MAP4K3: variants seen among roughly 807,000 people sequenced by gnomAD.
MAP4K3 encodes the protein MAPK/ERK kinase kinase kinase 3.
In MAP4K3, 94 loss-of-function variants were observed where a neutral mutation model predicts 143.5. That is an observed-to-expected ratio of 0.65 (90% CI 0.55 to 0.78). The LOEUF is 0.78. Among genes scored for constraint, MAP4K3 ranks in the 30% least tolerant of loss-of-function variants. MAP4K3 has a pLI of 0.00. For synonymous variants in MAP4K3, 416 were observed against 347.2 expected, an observed-to-expected ratio of 1.20 and a Z score of -2.20; for missense variants, 1,077 against 1,068.1, an observed-to-expected ratio of 1.01 and a Z score of -0.12.
At chr2:39,422,445 C>G (rs1010803719) in intron 1 of MAP4K3, among the ~76,000 whole-genome samples, 4 of 152,118 alleles carry the variant, frequency 2.6e-5, no homozygotes, top group Middle Eastern at 6.8e-3. Flanking sequence ...AACTATAAGC[C>G]AAAGAGTGAG....
At chr2:39,292,971 C>G in intron 17 of MAP4K3, 145 bp from the exon 18 acceptor site, 1 of 751,368 alleles carries the variant, frequency 1.3e-6, no homozygotes, top group Non-Finnish European at 2.2e-6. Flanking sequence ...AGAATTAAAA[C>G]AAGGAACTGG....
intron 3 of MAP4K3, among the ~76,000 whole-genome samples, chr2:39,352,307 T>C (rs1573187002): frequency 6.6e-6 from 1 of 152,052 alleles, no homozygotes; most frequent in Non-Finnish European, 1.5e-5. Flanking sequence ...AATAAATAAA[T>C]GAGCATTTAT....
At chr2:39,265,035 C>T (rs1162557419) in intron 28 of MAP4K3, among the ~76,000 whole-genome samples, 168 bp downstream of exon 28, 8 of 152,204 alleles carry the variant, frequency 5.3e-5, no homozygotes, top group African/African-American at 1.9e-4. Context: ...AAAACTTTTA[C>T]TAGGCCAATT....
At chr2:39,331,896 T>C in intron 8 of MAP4K3, 21 bp downstream of exon 8, 1 of 1,461,312 alleles carries the variant, frequency 6.8e-7, no homozygotes, top group Non-Finnish European at 9.4e-7. Context: ...AAGTATTAAA[T>C]ATCAATTAAA....
At position 39,436,453 on chromosome 2, in the gene MAP4K3, G is replaced by A. The variant is rs556460818; in HGVS notation, c.96+439C>T. Among the ~76,000 whole-genome samples, 33 of 152,200 alleles carry A rather than the reference G, an allele frequency of 2.2e-4. No homozygotes were observed. The South Asian group carries it at 5.8e-3, about 27-fold the overall frequency. On this transcript the variant is annotated intron_variant, in intron 1 of 33. Coordinates refer to ENST00000263881, the MANE Select transcript of MAP4K3 (RefSeq NM_003618.4). ...AGTATAATAACTACCACCGAGGCCT[G>A]GTGGGCAGCAGCTCCCAACCTAGAG...
intron 1 of MAP4K3, among the ~76,000 whole-genome samples, chr2:39,436,420 C>G (rs1665481617): frequency 6.6e-6 from 1 of 151,990 alleles, no homozygotes; most frequent in South Asian, 2.1e-4. Flanking sequence ...ATGGAGGTCG[C>G]TCAGCATAGT....
In MAP4K3 at chr2:39,317,160, G is replaced by A. The variant is rs530874441; in HGVS notation, c.919-1772C>T. 3.3e-5 allele frequency among the ~76,000 whole-genome samples: 5 copies of A among 152,230 alleles called. No homozygotes were observed. In the South Asian group the frequency reaches 8.3e-4, roughly 25 times the overall value. The stretch of plus-strand genomic sequence containing the variant: ...AAACCTGACAAAAAGAAGCAATGGG[G>A]AGAGAACGCCCCATTCAATAAATGG... On this transcript the variant is annotated intron_variant, in intron 12 of 33. Coordinates refer to ENST00000263881, the MANE Select transcript of MAP4K3 (RefSeq NM_003618.4).
chr2:39,397,886 A>G (rs1483919272), intron 1 of MAP4K3, among the ~76,000 whole-genome samples: 1 of 152,252 alleles, frequency 6.6e-6, no homozygotes, highest in African/African-American at 2.4e-5. Context: ...TGGCCCTTGA[A>G]TATATGATAA....
rs141846918 is a variant in MAP4K3, at chr2:39,330,951, G to A, written c.530+966C>T. ...AGCTAAGATCTTCAACTGTCATAAC[G>A]CAGTATCTGTAAATGAATAATGCTA... On this transcript the variant is annotated intron_variant, in intron 8 of 33. Transcript: ENST00000263881. Among the ~76,000 whole-genome samples the A allele has an allele frequency of 6.6e-5, 10 of 152,224 alleles. No individual in the cohort carries two copies. In the East Asian group the frequency reaches 1.7e-3, roughly 26 times the overall value.
chr2:39,317,370 A>T (rs58921859), intron 12 of MAP4K3, among the ~76,000 whole-genome samples: 15,835 of 152,208 alleles, frequency 0.1, 2,822 homozygotes, highest in African/African-American at 0.36. Context: ...TTCATGATGA[A>T]GATGCCAAAA....
In MAP4K3 at chr2:39,337,593, G is replaced by A; in HGVS notation, c.311-12C>T. ...CAGAGGTCCAGTTACTGTAAAAGAA[G>A]ACAATTAATACTCATAAAATTAGTC... is the stretch of plus-strand genomic sequence containing the variant. On this transcript the variant is annotated splice_polypyrimidine_tract_variant and intron_variant, in intron 4 of 33. Coordinates refer to ENST00000263881, the MANE Select transcript of MAP4K3 (RefSeq NM_003618.4). 6.3e-7 allele frequency: 1 copy of A among 1,590,776 alleles called. No homozygotes were observed. Among genetic ancestry groups the A allele is most frequent in the Non-Finnish European group, 8.6e-7 (1 of 1,159,652 alleles).
chr2:39,386,676 C>T (rs1666513304), intron 1 of MAP4K3, among the ~76,000 whole-genome samples: 1 of 152,284 alleles, frequency 6.6e-6, no homozygotes, highest in South Asian at 2.1e-4. Context: ...ATTGAACTGA[C>T]TTCCACCTTT....
chr2:39,300,452 A>G (rs1682463224), intron 15 of MAP4K3, among the ~76,000 whole-genome samples: 2 of 152,198 alleles, frequency 1.3e-5, no homozygotes, highest in African/African-American at 4.8e-5. Context: ...ATTAACATTT[A>G]AAAGGATGAA....
intron 1 of MAP4K3, among the ~76,000 whole-genome samples, chr2:39,381,852 C>T (rs1410126861): frequency 2.0e-5 from 3 of 152,212 alleles, no homozygotes; most frequent in East Asian, 1.9e-4. Flanking sequence ...GCCTAACAGA[C>T]ATCCTTCGAA....
chr2:39,258,400 A>C lies in MAP4K3; in HGVS notation c.2418T>G (p.Ser806=). 1 of 1,611,460 alleles carries C rather than the reference A, an allele frequency of 6.2e-7. No homozygotes were observed. Among genetic ancestry groups the C allele is most frequent in the East Asian group, 2.2e-5 (1 of 44,798 alleles). The change falls in exon 31 of 34, where the codon TCT becomes TCG. Residue 806 remains serine (S), a synonymous_variant. Coordinates refer to ENST00000263881, the MANE Select transcript of MAP4K3 (RefSeq NM_003618.4). ...TGAGTTCTGATGACAATTTCCTGCT[A>C]GATTTTAATCTTCCTTGGAGATTTA... ...KIVNLQGRLK[S]SRKLSSELTF...
chr2:39,271,325 G>A (rs1005505866), intron 26 of MAP4K3, among the ~76,000 whole-genome samples: 4 of 152,012 alleles, frequency 2.6e-5, no homozygotes, highest in African/African-American at 9.7e-5. Context: ...ACAGCTAAAA[G>A]CAAATAAGCT....
chr2:39,423,496 G>A (rs1186075040), intron 1 of MAP4K3, among the ~76,000 whole-genome samples: 1 of 152,082 alleles, frequency 6.6e-6, no homozygotes, highest in African/African-American at 2.4e-5. Flanking sequence ...ATTCATAATT[G>A]CCAAAACCTG....
At chr2:39,264,867 T>A (rs1283313531) in intron 28 of MAP4K3, among the ~76,000 whole-genome samples, 1 of 152,242 alleles carries the variant, frequency 6.6e-6, no homozygotes, top group African/African-American at 2.4e-5. Flanking sequence ...GCAACCTGTA[T>A]GTTGTTTTCA....
chr2:39,401,276 T>C (rs745359983), intron 1 of MAP4K3, among the ~76,000 whole-genome samples: 1 of 152,096 alleles, frequency 6.6e-6, no homozygotes, highest in African/African-American at 2.4e-5. Context: ...CCCATATCCT[T>C]GTGAGGAAAC....
Sources: allele counts gnomAD v4.1 joint callset (sites outside exome capture counted in the v4.1 genomes callset), GRCh38; gene constraint gnomAD v4.1.1; transcripts MANE v1.5; gene names NCBI Gene and HGNC (gene_info 2026-07-23, HGNC 2026-07-21).